The following SCN8A variants were observed in gnomAD, a reference collection of about 807,000 sequenced individuals.
SCN8A encodes the protein sodium voltage-gated channel alpha subunit 8.
In SCN8A, 30 loss-of-function variants were observed where a neutral mutation model predicts 184.1. The observed-to-expected ratio is 0.16, with a 90% confidence interval of 0.12 to 0.22. The LOEUF (loss-of-function observed/expected upper bound fraction) is 0.22, where lower values mean the gene tolerates loss of function less well. Ranked by LOEUF, SCN8A falls within the 10% of genes least tolerant of loss-of-function variation. The pLI is 1.00. For synonymous variants in SCN8A, 852 were observed against 907.0 expected, an observed-to-expected ratio of 0.94 and a Z score of 1.09; for missense variants, 1,057 against 2,498.9, an observed-to-expected ratio of 0.42 and a Z score of 12.30.
intron 26 of SCN8A, among the ~76,000 whole-genome samples, chr12:51,800,087 C>A (rs950557523): frequency 1.2e-4 from 19 of 152,200 alleles, no homozygotes; most frequent in African/African-American, 4.6e-4. Flanking sequence ...AAGATTATGA[C>A]ACAAAGCCAG....
At chr12:51,759,000 GTA>G (rs1015179127) in intron 14 of SCN8A, among the ~76,000 whole-genome samples, 2 of 149,784 alleles carry the variant, frequency 1.3e-5, no homozygotes, top group African/African-American at 4.9e-5. Context: ...GTGTGTGTGT[GTA>G]TATATATATA....
At chr12:51,741,205 T>C (rs1217889771) in intron 12 of SCN8A, among the ~76,000 whole-genome samples, 8 of 152,368 alleles carry the variant, frequency 5.3e-5, no homozygotes, top group African/African-American at 1.9e-4. Flanking sequence ...TTTATCATTA[T>C]GTACTAGCGA....
intron 1 of SCN8A, among the ~76,000 whole-genome samples, chr12:51,636,571 A>G (rs749748212): frequency 5.9e-5 from 9 of 152,240 alleles, no homozygotes; most frequent in Non-Finnish European, 7.3e-5. Context: ...TTTATTTGGC[A>G]TGAGCTCTGG....
intron 1 of SCN8A, among the ~76,000 whole-genome samples, chr12:51,642,020 G>T (rs1398978558): frequency 6.6e-6 from 1 of 152,068 alleles, no homozygotes; most frequent in African/African-American, 2.4e-5. Flanking sequence ...CTTTTTGCCC[G>T]CATTGTATAC....
chr12:51,592,826 T>C (rs74091843), intron 1 of SCN8A, among the ~76,000 whole-genome samples: 3,985 of 152,062 alleles, frequency 0.026, 73 homozygotes, highest in African/African-American at 0.055. Context: ...CTGGGGGATG[T>C]TTTAGCTTTC....
chr12:51,648,749 T>C (rs1437937309), intron 1 of SCN8A, among the ~76,000 whole-genome samples: 1 of 152,186 alleles, frequency 6.6e-6, no homozygotes, highest in Admixed American at 6.5e-5. Flanking sequence ...GTGGGAATCA[T>C]GGGAGTACAA....
intron 1 of SCN8A, among the ~76,000 whole-genome samples, chr12:51,620,703 A>G (rs939613172): frequency 1.3e-5 from 2 of 151,990 alleles, no homozygotes; most frequent in African/African-American, 4.8e-5. Context: ...AAAAAAAGAA[A>G]AAAACTATGT....
intron 15 of SCN8A, among the ~76,000 whole-genome samples, chr12:51,764,972 C>T (rs1386802664): frequency 6.6e-6 from 1 of 151,896 alleles, no homozygotes. Flanking sequence ...GACGGCATTT[C>T]ACCATGTTGG....
rs147859158 is a variant in SCN8A, at chr12:51,751,088, G to GA, written c.2132-266dup. 2.0e-3 allele frequency among the ~76,000 whole-genome samples: 300 copies of GA among 152,250 alleles called. 4 individuals carry two copies. In the East Asian group the frequency reaches 0.035, roughly 18 times the overall value. ...GTTGAGGCCAGGGAGTCAGACCTGA[G>GA]AGGCCAAGCTCTTGACCTCTGTGCT... On this transcript the variant is annotated intron_variant, in intron 13 of 26. Transcript: ENST00000627620.
chr12:51,768,873 C>T lies in SCN8A; in HGVS notation c.2910C>T (p.Asn970=). The change falls in exon 17 of 27, where the codon AAC becomes AAT. Residue 970 remains asparagine, a synonymous_variant. Transcript: ENST00000627620. ...CAATGCTACTGGCATAGGTGCTGAA[C>T]CTGTTTCTGGCCTTGCTCCTGAGCT... ...VMVIGNLVVL[N]LFLALLLSSF... is the part of the protein sequence containing the mutation. 1 of 1,559,652 alleles carries T rather than the reference C, an allele frequency of 6.4e-7. No homozygotes were observed. Among genetic ancestry groups the T allele is most frequent in the Admixed American group, 1.8e-5 (1 of 54,494 alleles).
Position 51,671,315 on chromosome 12 carries a change from A to G in SCN8A, c.276+8222A>G, listed in dbSNP as rs555345270. Among the ~76,000 whole-genome samples the G allele has an allele frequency of 7.2e-5, 11 of 152,304 alleles. No homozygotes were observed. In the South Asian group the frequency reaches 2.1e-3, roughly 29 times the overall value. On this transcript the variant is annotated intron_variant, in intron 2 of 26. Coordinates refer to ENST00000627620, the MANE Select transcript of SCN8A (RefSeq NM_001330260.2). The stretch of plus-strand genomic sequence containing the variant: ...TTAACTCGGGTTAGATATGGAGGGT[A>G]CCTGTGTTCCCAATAATGTTTGCAA...
Position 51,807,261 on chromosome 12 carries a change from G to T in SCN8A, c.5775G>T (p.Leu1925=). 1 of 1,613,932 alleles carries T rather than the reference G, an allele frequency of 6.2e-7. No homozygotes were observed. The highest frequency in any genetic ancestry group is 8.5e-7 in the Non-Finnish European group (1 of 1,179,892). Residue 1925 remains leucine, a synonymous_variant, in exon 27 of 27, where the codon CTG becomes CTT. Coordinates refer to ENST00000627620, the MANE Select transcript of SCN8A (RefSeq NM_001330260.2). The surrounding 1 kb of genome is among the most constrained non-coding windows in gnomAD (Gnocchi z 4.5). The part of the protein sequence containing the change: ...FICKKTTSNK[L]ENGGTHREKK... Reference sequence around the variant, plus strand: ...GCAAAAAGACAACTTCTAATAAGCTGGAGAATGGAGGCACACACCGGGAGA... The same window carrying T: ...GCAAAAAGACAACTTCTAATAAGCTTGAGAATGGAGGCACACACCGGGAGA...
chr12:51,788,650 C>T, intron 22 of SCN8A, 45 bp from the exon 23 acceptor site: 9 of 1,521,616 alleles, frequency 5.9e-6, no homozygotes, highest in Non-Finnish European at 8.0e-6. Context: ...GACTCCCATC[C>T]ACTCCCTTTA....
In SCN8A at chr12:51,687,177, G is replaced by A. The variant is rs1345271275; in HGVS notation, c.572G>A (p.Arg191Gln). ...GFCIDGFTFL[R>Q]DPWNWLDFSV... The stretch of plus-strand genomic sequence containing the variant: ...TGCATAGATGGCTTTACCTTTTTAC[G>A]GGACCCATGGAACTGGTTAGATTTC... The change falls in exon 5 of 27, where the codon CGG becomes CAG. Residue 191 changes from arginine to glutamine, a missense_variant. By Grantham distance (43) the Arg-to-Gln change is conservative (BLOSUM62 1). Around this residue, in one of 19 missense-constraint regions of SCN8A, gnomAD observed 66 missense variants for 276.4 expected, o/e 0.24. Coordinates refer to ENST00000627620, the MANE Select transcript of SCN8A (RefSeq NM_001330260.2). 2.5e-6 allele frequency: 4 copies of A among 1,613,436 alleles called. No individual in the cohort carries two copies. The highest frequency in any genetic ancestry group is 1.7e-5 in the Admixed American group (1 of 59,970).
rs558667581 is a variant in SCN8A at position 51,807,423 on chromosome 12, G to C, written c.5937G>C (p.Lys1979Asn). ...GACAAAAAGAGGTCAGAGAATCCAAGTGTTAGAGGAGAACAAAAATTCAGT... is the reference window on the plus strand; with the variant it reads ...GACAAAAAGAGGTCAGAGAATCCAACTGTTAGAGGAGAACAAAAATTCAGT... ...AKRQKEVRES[K>N]C Residue 1979 changes from lysine (K) to asparagine (N), a missense_variant, in exon 27 of 27, where the codon AAG becomes AAC. By Grantham distance (94) the Lys-to-Asn change is moderately conservative. Coordinates refer to ENST00000627620, the MANE Select transcript of SCN8A (RefSeq NM_001330260.2). This position sits in a 1 kb window ranked among gnomAD's most constrained non-coding sequence, Gnocchi z 4.5. 1 of 1,607,852 alleles carries C rather than the reference G, an allele frequency of 6.2e-7. No individual in the cohort carries two copies. The highest frequency in any genetic ancestry group is 2.2e-5 in the East Asian group (1 of 44,670).
At chr12:51,720,075 CA>C (rs397944526) in intron 11 of SCN8A, among the ~76,000 whole-genome samples, 34 of 85,488 alleles carry the variant, frequency 4.0e-4, no homozygotes, top group African/African-American at 1.1e-3. Context: ...GACTCCGTCT[CA>C]AAAAAAAAAA....
rs185945805 is a variant in SCN8A, at chr12:51,636,441, A to G, written c.-54-26323A>G. Among the ~76,000 whole-genome samples, 90 of 152,220 alleles carry G rather than the reference A, an allele frequency of 5.9e-4. 1 individual carries two copies. Among genetic ancestry groups the G allele is most frequent in the Non-Finnish European group, 1.6e-4 (11 of 68,038 alleles). On this transcript the variant is annotated intron_variant, in intron 1 of 26. Transcript: ENST00000627620. ...GAAGGCATGGTAACTTTAGCCCAAGAAGGTGCTCCATTTTATTGACAACAA... is the reference window on the plus strand; with the variant it reads ...GAAGGCATGGTAACTTTAGCCCAAGGAGGTGCTCCATTTTATTGACAACAA...
chr12:51,770,792 G>A, intron 19 of SCN8A, 109 bp downstream of exon 19: 3 of 1,149,394 alleles, frequency 2.6e-6, no homozygotes, highest in Non-Finnish European at 2.5e-6. Context: ...CAGATTGGCT[G>A]TGGTCCCAAG....
At chr12:51,688,865 G>A in intron 5 of SCN8A, 140 bp from the exon 6 acceptor site, 1 of 1,608,158 alleles carries the variant, frequency 6.2e-7, no homozygotes, top group Non-Finnish European at 8.5e-7. Context: ...ATGGTCCGGG[G>A]TTGGTGTTAG....
Sources: allele counts gnomAD v4.1 joint callset (sites outside exome capture counted in the v4.1 genomes callset), GRCh38; gene constraint gnomAD v4.1.1; regional missense constraint gnomAD v4.1.1; non-coding constraint Gnocchi (gnomAD v3.1); transcripts MANE v1.5; gene names NCBI Gene and HGNC (gene_info 2026-07-23, HGNC 2026-07-21).